Variants in VPS13B observed in about 807,000 individuals in gnomAD.
The protein encoded by VPS13B is intermembrane lipid transfer protein VPS13B.
A neutral mutation model predicts 426.4 loss-of-function variants in VPS13B; 285 were observed. The observed-to-expected ratio is 0.67, with a 90% confidence interval of 0.61 to 0.74. The LOEUF is 0.74. VPS13B is among the 30% of genes least tolerant of loss of function. VPS13B has a pLI of 0.00. For synonymous variants in VPS13B, 1,676 were observed against 1,676.4 expected, an observed-to-expected ratio of 1.00 and a Z score of 0.01; for missense variants, 4,537 against 4,782.6, an observed-to-expected ratio of 0.95 and a Z score of 1.51.
intron 30 of VPS13B, among the ~76,000 whole-genome samples, chr8:99,540,963 T>G (rs990701501): frequency 6.6e-6 from 1 of 152,164 alleles, no homozygotes; most frequent in African/African-American, 2.4e-5. Flanking sequence ...AATACTAAGA[T>G]TAAATACTTT....
intron 28 of VPS13B, 95 bp downstream of exon 28, chr8:99,507,298 G>A (rs1268187600): frequency 2.3e-6 from 3 of 1,325,792 alleles, no homozygotes; most frequent in Non-Finnish European, 3.2e-6. Flanking sequence ...ACAAGAATTT[G>A]AGTTCAGAAT....
At chr8:99,409,072 C>T (rs558521316) in intron 21 of VPS13B, among the ~76,000 whole-genome samples, 20 of 152,286 alleles carry the variant, frequency 1.3e-4, no homozygotes, top group Admixed American at 3.9e-4. Flanking sequence ...GATAGCTCTT[C>T]TCCAAGCAGT....
At chr8:99,682,142 G>A (rs527460733) in intron 35 of VPS13B, among the ~76,000 whole-genome samples, 2 of 152,338 alleles carry the variant, frequency 1.3e-5, no homozygotes, top group African/African-American at 4.8e-5. Context: ...GAGAGACAGA[G>A]ATCCAAGATT....
chr8:99,235,208 T>A (rs912450877), intron 17 of VPS13B, among the ~76,000 whole-genome samples: 3 of 152,208 alleles, frequency 2.0e-5, no homozygotes, highest in African/African-American at 7.2e-5. Context: ...ACACCTTCTT[T>A]GTTACTACAA....
intron 31 of VPS13B, among the ~76,000 whole-genome samples, chr8:99,565,649 G>A (rs1825141109): frequency 6.6e-6 from 1 of 151,956 alleles, no homozygotes; most frequent in African/African-American, 2.4e-5. Flanking sequence ...CACCGCACAG[G>A]ACCCCCAGCA....
At chr8:99,322,341 T>A (rs982109110) in intron 19 of VPS13B, among the ~76,000 whole-genome samples, 2 of 152,208 alleles carry the variant, frequency 1.3e-5, no homozygotes, top group African/African-American at 4.8e-5. Flanking sequence ...ACTAGATCAC[T>A]AATATTTTCA....
chr8:99,381,708 T>C (rs1813821634), intron 19 of VPS13B, among the ~76,000 whole-genome samples: 1 of 152,214 alleles, frequency 6.6e-6, no homozygotes, highest in Non-Finnish European at 1.5e-5. Context: ...TATCTTCTTT[T>C]GAAAATTGTC....
At chr8:99,376,783 A>G (rs1334667641) in intron 19 of VPS13B, among the ~76,000 whole-genome samples, 1 of 152,084 alleles carries the variant, frequency 6.6e-6, no homozygotes, top group Non-Finnish European at 1.5e-5. Flanking sequence ...TTAAATTTAT[A>G]TGCCATTTTG....
intron 35 of VPS13B, among the ~76,000 whole-genome samples, chr8:99,673,101 A>C (rs1195009302): frequency 6.6e-6 from 1 of 151,878 alleles, no homozygotes; most frequent in Non-Finnish European, 1.5e-5. Flanking sequence ...TTTTTTTAGC[A>C]TGTCTTTGTC....
intron 21 of VPS13B, among the ~76,000 whole-genome samples, chr8:99,416,458 G>A (rs1467702759): frequency 6.6e-6 from 1 of 152,042 alleles, no homozygotes; most frequent in Non-Finnish European, 1.5e-5. Context: ...AGACACCACT[G>A]GCATATGAAA....
At chr8:99,753,527 T>C (rs960748773) in intron 39 of VPS13B, among the ~76,000 whole-genome samples, 30 of 152,320 alleles carry the variant, frequency 2.0e-4, no homozygotes, top group African/African-American at 7.0e-4. Context: ...GCCCCTGCTC[T>C]AAGTTTTAAC....
intron 17 of VPS13B, among the ~76,000 whole-genome samples, chr8:99,270,187 G>A (rs1294063827): frequency 9.8e-6 from 1 of 101,674 alleles, no homozygotes; most frequent in African/African-American, 3.8e-5. Flanking sequence ...TGCCCAGACT[G>A]GAGTGCAGTG....
At chr8:99,730,298 G>C (rs1833540254) in intron 39 of VPS13B, among the ~76,000 whole-genome samples, 1 of 152,182 alleles carries the variant, frequency 6.6e-6, no homozygotes, top group Non-Finnish European at 1.5e-5. Context: ...TGGGGAAGTA[G>C]GAGGTTGAGC....
rs371695571 is a variant in VPS13B, at chr8:99,480,527, A to G, written c.3667-1072A>G. 2.5e-4 allele frequency among the ~76,000 whole-genome samples: 38 copies of G among 152,274 alleles called. No individual in the cohort carries two copies. In the East Asian group the frequency reaches 4.8e-3, roughly 19 times the overall value. ...TGGTTTGCAACAAAATTGTTTCTCT[A>G]TAGAGAGAAACATTCATAATTATGA... On this transcript the variant is annotated intron_variant, in intron 24 of 61. Coordinates refer to ENST00000357162, the MANE Select transcript of VPS13B (RefSeq NM_152564.5).
chr8:99,875,159 A>C (rs905876981), intron 61 of VPS13B: 2 of 523,414 alleles, frequency 3.8e-6, no homozygotes. Flanking sequence ...AACTTCAAAC[A>C]TGGGAATTTT....
intron 40 of VPS13B, among the ~76,000 whole-genome samples, chr8:99,772,668 T>C (rs1261701544): frequency 3.3e-5 from 5 of 152,254 alleles, no homozygotes; most frequent in African/African-American, 1.2e-4. Context: ...GTATGCATCA[T>C]ATTTTCAGAA....
chr8:99,635,418 A>C (rs2133918930), intron 33 of VPS13B, among the ~76,000 whole-genome samples: 1 of 152,060 alleles, frequency 6.6e-6, no homozygotes, highest in East Asian at 1.9e-4. Context: ...GCCTGTTGGA[A>C]ATATTACTTC....
At chr8:99,361,634 C>A (rs1014027250) in intron 19 of VPS13B, among the ~76,000 whole-genome samples, 3 of 152,138 alleles carry the variant, frequency 2.0e-5, no homozygotes, top group African/African-American at 7.2e-5. Context: ...TCCTTGCGCA[C>A]AGGACACACT....
intron 22 of VPS13B, among the ~76,000 whole-genome samples, chr8:99,441,767 G>T (rs991698065): frequency 1.3e-5 from 2 of 151,954 alleles, no homozygotes; most frequent in African/African-American, 4.8e-5. Flanking sequence ...GTAATTTGAA[G>T]AATGAAAAAA....
Sources: gnomAD v4.1 joint callset for allele counts (sites outside exome capture counted in the v4.1 genomes callset) on GRCh38, gnomAD v4.1.1 for gene constraint, MANE v1.5 for transcripts, NCBI Gene and HGNC (gene_info 2026-07-23, HGNC 2026-07-21) for gene names.